HHAT: variants seen among roughly 807,000 people sequenced by gnomAD.
The protein encoded by HHAT is protein-cysteine N-palmitoyltransferase HHAT.
Under a neutral mutation model 70.8 loss-of-function variants are expected in HHAT, and 47 were observed. The ratio of observed to expected loss-of-function variants is 0.66; its 90% confidence interval spans 0.53 to 0.85. The LOEUF is 0.85. HHAT is among the 40% of genes least tolerant of loss of function. The pLI, the probability that HHAT is intolerant of heterozygous loss-of-function variation, is 0.00. For synonymous variants in HHAT, 228 were observed against 247.6 expected (o/e 0.92, Z 0.74); for missense variants, 609 against 604.8 (o/e 1.01, Z -0.07).
chr1:210,626,094 G>A (rs373346000), intron 11 of HHAT, among the ~76,000 whole-genome samples: 1 of 152,316 alleles, frequency 6.6e-6, no homozygotes, highest in East Asian at 1.9e-4. Context: ...GGTCAAGGGC[G>A]TAAAGATTGT....
At chr1:210,344,127 A>C (rs595606) in intron 1 of HHAT, among the ~76,000 whole-genome samples, 5 of 151,884 alleles carry the variant, frequency 3.3e-5, no homozygotes, top group Non-Finnish European at 1.5e-5. Context: ...TGTGCTGTCA[A>C]GTGGAGACTA....
intron 10 of HHAT, among the ~76,000 whole-genome samples, chr1:210,611,170 C>T (rs1476333623): frequency 6.6e-6 from 1 of 151,932 alleles, no homozygotes; most frequent in East Asian, 1.9e-4. Context: ...CCACTTGTGT[C>T]CTCACTGATT....
intron 10 of HHAT, among the ~76,000 whole-genome samples, chr1:210,601,844 T>C (rs1025651931): frequency 1.3e-5 from 2 of 152,042 alleles, no homozygotes; most frequent in Non-Finnish European, 2.9e-5. Context: ...GACCTAGTCT[T>C]CCCAGGCATT....
At chr1:210,398,543 C>T (rs1180000120) in intron 4 of HHAT, among the ~76,000 whole-genome samples, 1 of 152,160 alleles carries the variant, frequency 6.6e-6, no homozygotes, top group East Asian at 1.9e-4. Context: ...TCAAGTATTT[C>T]CTGAAGCTTC....
At chr1:210,470,278 C>G (rs765085241) in intron 8 of HHAT, among the ~76,000 whole-genome samples, 1 of 152,106 alleles carries the variant, frequency 6.6e-6, no homozygotes, top group Non-Finnish European at 1.5e-5. Flanking sequence ...GCATGGGAGT[C>G]CCCTGAATCT....
chr1:210,639,553 G>C (rs1293205215), intron 11 of HHAT, among the ~76,000 whole-genome samples: 1 of 152,226 alleles, frequency 6.6e-6, no homozygotes. Flanking sequence ...TCTCACCTGA[G>C]AGAAGTCCTC....
chr1:210,367,153 T>A (rs1163351260), intron 3 of HHAT, among the ~76,000 whole-genome samples: 2 of 152,232 alleles, frequency 1.3e-5, no homozygotes, highest in Non-Finnish European at 2.9e-5. Flanking sequence ...AGGATAGCAC[T>A]CTTTTGGGTG....
intron 9 of HHAT, among the ~76,000 whole-genome samples, chr1:210,564,390 G>A (rs533458233): frequency 1.3e-5 from 2 of 152,322 alleles, no homozygotes; most frequent in South Asian, 2.1e-4. Flanking sequence ...GAGGGAGCAT[G>A]AGGAGCAGTG....
chr1:210,587,606 C>T (rs537876318), intron 9 of HHAT, among the ~76,000 whole-genome samples: 312 of 152,302 alleles, frequency 2.0e-3, no homozygotes, highest in African/African-American at 7.4e-3. Flanking sequence ...CCATCCCTTT[C>T]AGAAACTCTA....
chr1:210,596,901 T>C (rs1663134843), intron 10 of HHAT, among the ~76,000 whole-genome samples: 1 of 152,170 alleles, frequency 6.6e-6, no homozygotes, highest in South Asian at 2.1e-4. Flanking sequence ...TATTTGGCCA[T>C]TGAAGAGTTA....
At chr1:210,607,247 C>G (rs1665650924) in intron 10 of HHAT, among the ~76,000 whole-genome samples, 1 of 152,032 alleles carries the variant, frequency 6.6e-6, no homozygotes, top group Non-Finnish European at 1.5e-5. Flanking sequence ...ATTCTTTAAT[C>G]TGCTCTATCT....
chr1:210,334,953 T>C (rs2085347108), intron 1 of HHAT, among the ~76,000 whole-genome samples: 1 of 152,136 alleles, frequency 6.6e-6, no homozygotes, highest in Non-Finnish European at 1.5e-5. Flanking sequence ...TTAAAAACCT[T>C]TCCATAGCAA....
intron 7 of HHAT, among the ~76,000 whole-genome samples, chr1:210,434,969 T>C (rs1327557324): frequency 6.6e-6 from 1 of 151,874 alleles, no homozygotes; most frequent in Admixed American, 6.6e-5. Context: ...TATTTACCTT[T>C]TTAAATACTA....
chr1:210,428,340 A>G (rs992221320), intron 7 of HHAT, among the ~76,000 whole-genome samples: 1 of 77,184 alleles, frequency 1.3e-5, no homozygotes, highest in Non-Finnish European at 2.4e-5. Context: ...ATATATATAT[A>G]TATATAATTT....
chr1:210,407,992 C>T (rs1032341438), intron 6 of HHAT, among the ~76,000 whole-genome samples: 2 of 152,106 alleles, frequency 1.3e-5, no homozygotes, highest in African/African-American at 4.8e-5. Context: ...GGAGCCCACC[C>T]TCCAGGGTTT....
chr1:210,564,119 A>ATTTTT (rs34490631), intron 9 of HHAT, among the ~76,000 whole-genome samples: 1 of 143,020 alleles, frequency 7.0e-6, no homozygotes, highest in African/African-American at 2.6e-5. Context: ...ATGCCCAACT[A>ATTTTT]TTTTTTTTTT....
intron 10 of HHAT, among the ~76,000 whole-genome samples, chr1:210,596,771 C>T (rs1324518479): frequency 6.6e-6 from 1 of 152,070 alleles, no homozygotes; most frequent in East Asian, 1.9e-4. Flanking sequence ...ATTTTGAATT[C>T]TCTGCCTGAA....
chr1:210,542,876 A>G (rs1207068026), intron 9 of HHAT, among the ~76,000 whole-genome samples: 6 of 152,120 alleles, frequency 3.9e-5, no homozygotes, highest in African/African-American at 1.2e-4. Context: ...ACATATATGG[A>G]TATATTTATG....
At chr1:210,642,668 G>A (rs1673197903) in intron 11 of HHAT, among the ~76,000 whole-genome samples, 1 of 152,136 alleles carries the variant, frequency 6.6e-6, no homozygotes, top group African/African-American at 2.4e-5. Context: ...GTCTTTAGAA[G>A]TCTTTTGGCC....
Sources: gnomAD v4.1 joint callset for allele counts (sites outside exome capture counted in the v4.1 genomes callset) on GRCh38, gnomAD v4.1.1 for gene constraint, MANE v1.5 for transcripts, NCBI Gene and HGNC (gene_info 2026-07-23, HGNC 2026-07-21) for gene names.